Variants in AKAP6 observed in about 807,000 individuals in gnomAD.
AKAP6 encodes A-kinase anchor protein 6.
A neutral mutation model predicts 188.5 loss-of-function variants in AKAP6; 58 were observed. The ratio of observed to expected loss-of-function variants is 0.31; its 90% CI spans 0.25 to 0.38. AKAP6 has a LOEUF of 0.38. AKAP6 is among the 10% of genes least tolerant of loss of function. The pLI is 1.00. For synonymous variants in AKAP6, 989 were observed against 998.6 expected (o/e 0.99, Z 0.18); for missense variants, 2,710 against 2,740.0 (o/e 0.99, Z 0.24).
intron 11 of AKAP6, among the ~76,000 whole-genome samples, chr14:32,762,387 T>C (rs1003048498): frequency 6.6e-6 from 1 of 152,262 alleles, no homozygotes; most frequent in East Asian, 1.9e-4. Flanking sequence ...AGGAACGATA[T>C]AACATATTAT....
chr14:32,699,638 C>T (rs575601843), intron 9 of AKAP6, among the ~76,000 whole-genome samples: 1 of 152,264 alleles, frequency 6.6e-6, no homozygotes, highest in Admixed American at 6.5e-5. Context: ...TTCCCTTCCC[C>T]CTTATCTGTC....
intron 1 of AKAP6, among the ~76,000 whole-genome samples, chr14:32,352,381 A>G (rs886219953): frequency 2.6e-5 from 4 of 152,062 alleles, no homozygotes; most frequent in African/African-American, 4.8e-5. Context: ...TAAGGCATCC[A>G]TCATCTCAAA....
At chr14:32,583,062 G>A (rs376219286) in intron 5 of AKAP6, among the ~76,000 whole-genome samples, 26 of 152,250 alleles carry the variant, frequency 1.7e-4, no homozygotes, top group East Asian at 5.8e-4. Context: ...GAGGAGAGGC[G>A]CTCTGCTTTT....
intron 2 of AKAP6, among the ~76,000 whole-genome samples, chr14:32,498,544 A>AT (rs1334172085): frequency 1.3e-5 from 2 of 152,158 alleles, no homozygotes; most frequent in Non-Finnish European, 2.9e-5. Flanking sequence ...TAAAACTTTT[A>AT]TTTTAGATAT....
intron 9 of AKAP6, among the ~76,000 whole-genome samples, chr14:32,705,598 T>A (rs553210983): frequency 6.6e-6 from 1 of 152,270 alleles, no homozygotes; most frequent in African/African-American, 2.4e-5. Context: ...GGATCTTGAT[T>A]ATTTTCCTTA....
chr14:32,577,087 C>G, intron 4 of AKAP6, 33 bp from the exon 5 acceptor site: 1 of 1,587,634 alleles, frequency 6.3e-7, no homozygotes, highest in African/African-American at 1.4e-5. Flanking sequence ...CCTTTCTTGC[C>G]CCTTTTTTTC....
intron 9 of AKAP6, among the ~76,000 whole-genome samples, chr14:32,707,686 CT>C (rs2139738610): frequency 6.6e-6 from 1 of 152,134 alleles, no homozygotes; most frequent in East Asian, 1.9e-4. Flanking sequence ...TTCAACAAGG[CT>C]TATTCAATAG....
intron 1 of AKAP6, among the ~76,000 whole-genome samples, chr14:32,420,911 G>T (rs77233638): frequency 6.5e-5 from 8 of 123,112 alleles, no homozygotes; most frequent in African/African-American, 2.4e-4. Flanking sequence ...AGATTGATTT[G>T]TGTGTGTGTG....
chr14:32,778,223 G>C (rs1029684905), intron 12 of AKAP6, among the ~76,000 whole-genome samples: 2 of 152,126 alleles, frequency 1.3e-5, no homozygotes, highest in African/African-American at 4.8e-5. Context: ...AATTATATCA[G>C]ATGGAAACCT....
intron 7 of AKAP6, 50 bp from the exon 8 acceptor site, chr14:32,678,261 T>C: frequency 6.4e-7 from 1 of 1,565,592 alleles, no homozygotes; most frequent in East Asian, 2.3e-5. Flanking sequence ...TCACTTGAAA[T>C]GCATTCCTTC....
chr14:32,388,477 G>A (rs1376898991), intron 1 of AKAP6, among the ~76,000 whole-genome samples: 2 of 152,136 alleles, frequency 1.3e-5, no homozygotes, highest in South Asian at 2.1e-4. Context: ...ACTTTTTGAT[G>A]TAGGTGTTTA....
At chr14:32,788,611 AC>A (rs141732074) in intron 12 of AKAP6, among the ~76,000 whole-genome samples, 1 of 151,752 alleles carries the variant, frequency 6.6e-6, no homozygotes, top group African/African-American at 2.4e-5. Flanking sequence ...TGAGCGTGCA[AC>A]CCCCCCCAGG....
intron 2 of AKAP6, among the ~76,000 whole-genome samples, chr14:32,451,834 A>T (rs1594627131): frequency 6.6e-6 from 1 of 152,082 alleles, no homozygotes; most frequent in African/African-American, 2.4e-5. Context: ...TGGCAACTGT[A>T]CTGGACAGCA....
intron 2 of AKAP6, among the ~76,000 whole-genome samples, chr14:32,452,289 C>T (rs1398192534): frequency 1.3e-5 from 2 of 152,112 alleles, no homozygotes; most frequent in Admixed American, 1.3e-4. Context: ...CGACCTTGGC[C>T]TCCTAAAGTG....
chr14:32,669,777 G>A (rs1030099201), intron 7 of AKAP6, among the ~76,000 whole-genome samples: 21 of 152,094 alleles, frequency 1.4e-4, no homozygotes, highest in African/African-American at 3.1e-4. Flanking sequence ...TTCACATGGC[G>A]GCAGCAAGAA....
At chr14:32,357,407 A>C (rs1227373539) in intron 1 of AKAP6, among the ~76,000 whole-genome samples, 1 of 152,166 alleles carries the variant, frequency 6.6e-6, no homozygotes, top group Non-Finnish European at 1.5e-5. Flanking sequence ...TTTTAAGGTT[A>C]TTGTTTAGTT....
At chr14:32,813,734 A>G (rs1392783450) in intron 12 of AKAP6, among the ~76,000 whole-genome samples, 3 of 152,162 alleles carry the variant, frequency 2.0e-5, no homozygotes, top group Admixed American at 6.5e-5. Flanking sequence ...AAAGGGAAGA[A>G]AAGAAATCCT....
chr14:32,805,342 C>G (rs955046492), intron 12 of AKAP6, among the ~76,000 whole-genome samples: 1 of 152,130 alleles, frequency 6.6e-6, no homozygotes, highest in African/African-American at 2.4e-5. Context: ...TTATACTTAT[C>G]TTATGCAGAG....
chr14:32,832,495 T>G lies in AKAP6; in HGVS notation c.*2690T>G, dbSNP rs1044648425. ...CTGCTTAGTATTAACACTAAATTTG[T>G]AGAATGACTTTCAGGTTTGTTGAAC... On this transcript the variant is annotated 3_prime_UTR_variant, in exon 14 of 14. Transcript: ENST00000280979. 6.6e-6 allele frequency: 1 copy of G among 152,194 alleles called. No homozygotes were observed. The highest frequency in any genetic ancestry group is 2.4e-5 in the African/African-American group (1 of 41,450). The allele number at this position is 152,194 out of a possible 1,614,324, so 9.4% of individuals were successfully genotyped here. A position where few individuals can be genotyped will look rare whatever the true frequency, so the allele number is the denominator to read the frequency against.
Sources: allele counts gnomAD v4.1 joint callset (sites outside exome capture counted in the v4.1 genomes callset), GRCh38; gene constraint gnomAD v4.1.1; transcripts MANE v1.5; gene names NCBI Gene and HGNC (gene_info 2026-07-23, HGNC 2026-07-21).